STOML3: variants seen among roughly 807,000 people sequenced by gnomAD.
The protein encoded by STOML3 is stomatin like 3.
In STOML3, 31 loss-of-function variants were observed where a neutral mutation model predicts 29.5. The observed-to-expected ratio is 1.05, with a 90% CI of 0.79 to 1.42. The LOEUF (loss-of-function observed/expected upper bound fraction) is 1.42, where lower values mean the gene tolerates loss of function less well. STOML3 is among the 40% of genes most tolerant of loss of function. The pLI, the probability that STOML3 is intolerant of heterozygous loss-of-function variation, is 0.00. For synonymous variants in STOML3, 122 were observed against 139.8 expected (o/e 0.87, Z 0.90); for missense variants, 380 against 363.0 (o/e 1.05, Z -0.38).
At chr13:38,988,563 A>AATATATTTTATATC (rs1868825395) in intron 1 of STOML3, among the ~76,000 whole-genome samples, 2 of 117,844 alleles carry the variant, frequency 1.7e-5, no homozygotes, top group Non-Finnish European at 3.3e-5. Context: ...TTTTATATAT[A>AATATATTTTATATC]ATATATTTTA....
At chr13:38,980,750 T>C (rs1393155477) in intron 1 of STOML3, among the ~76,000 whole-genome samples, 1 of 152,224 alleles carries the variant, frequency 6.6e-6, no homozygotes, top group African/African-American at 2.4e-5. Flanking sequence ...AACAAATATG[T>C]TATCAGTTCT....
At position 38,966,084 on chromosome 13, in the gene STOML3, C is replaced by T. The variant is rs529337831; in HGVS notation, c.*741G>A. On this transcript the variant is annotated 3_prime_UTR_variant, in exon 7 of 7. Coordinates refer to ENST00000379631, the MANE Select transcript of STOML3 (RefSeq NM_145286.3). ...AAAACATGAAATCCCCAGGGTGATG[C>T]TCCTCAGTGGTTTCAACCAATGCAA... The T allele has an allele frequency of 6.6e-6, 1 of 152,316 alleles. No individual in the cohort carries two copies. The highest frequency in any genetic ancestry group is 2.1e-4 in the South Asian group (1 of 4,832). 9.4% of individuals were successfully genotyped at this position (152,316 alleles called of 1,614,324 possible). A position where few individuals can be genotyped will look rare whatever the true frequency, so the allele number is the denominator to read the frequency against.
intron 3 of STOML3, among the ~76,000 whole-genome samples, chr13:38,974,287 C>G (rs1880993277): frequency 6.6e-6 from 1 of 152,054 alleles, no homozygotes; most frequent in Admixed American, 6.5e-5. Flanking sequence ...GAAACCAGTT[C>G]TGGGGCCAAA....
At chr13:38,979,117 T>C (rs1250755477) in intron 1 of STOML3, among the ~76,000 whole-genome samples, 1 of 152,222 alleles carries the variant, frequency 6.6e-6, no homozygotes, top group Non-Finnish European at 1.5e-5. Context: ...TGGCCTTTTA[T>C]ATGCTCCAAA....
intron 1 of STOML3, among the ~76,000 whole-genome samples, chr13:38,978,536 C>G (rs1881171993): frequency 6.6e-6 from 1 of 152,102 alleles, no homozygotes; most frequent in South Asian, 2.1e-4. Context: ...ATGATCTCCT[C>G]CAGCTGATTT....
At chr13:38,976,264 A>C (rs572707262) in intron 3 of STOML3, among the ~76,000 whole-genome samples, 2 of 152,320 alleles carry the variant, frequency 1.3e-5, no homozygotes, top group South Asian at 4.1e-4. Flanking sequence ...ACATTCAGCC[A>C]ATGTAACCAG....
intron 3 of STOML3, among the ~76,000 whole-genome samples, chr13:38,974,917 C>A (rs1382429242): frequency 2.6e-5 from 4 of 152,146 alleles, no homozygotes; most frequent in Non-Finnish European, 5.9e-5. Context: ...GGAAGTTAAT[C>A]CTGGGCTGTT....
chr13:38,990,738 T>C lies in STOML3; in HGVS notation c.-17A>G. 1 of 1,613,226 alleles carries C rather than the reference T, an allele frequency of 6.2e-7. No homozygotes were observed. The highest frequency in any genetic ancestry group is 8.5e-7 in the Non-Finnish European group (1 of 1,179,424). ...AGAATCCATCTCATTCTTGAGAAGC[T>C]TTTATACTTGGCAATTTTTCATGGG... is the stretch of plus-strand genomic sequence containing the variant. On this transcript the variant is annotated 5_prime_UTR_variant, in exon 1 of 7. Coordinates refer to ENST00000379631, the MANE Select transcript of STOML3 (RefSeq NM_145286.3).
intron 4 of STOML3, among the ~76,000 whole-genome samples, chr13:38,971,043 T>A (rs1262606035): frequency 1.3e-5 from 2 of 152,138 alleles, no homozygotes; most frequent in East Asian, 3.9e-4. Flanking sequence ...TCTTTCTTTT[T>A]TTTTTTTGAG....
At chr13:38,969,834 A>G (rs554635008) in intron 5 of STOML3, among the ~76,000 whole-genome samples, 17 of 152,330 alleles carry the variant, frequency 1.1e-4, no homozygotes, top group African/African-American at 3.4e-4. Context: ...CTACCTGAGA[A>G]ATGGCTGCAC....
rs1880668166 is a variant in STOML3, at chr13:38,966,879, C to T, written c.822G>A (p.Glu274=). ...IVFPLPMNIL[E]GIGGVSYDNH... The stretch of plus-strand genomic sequence containing the variant: ...TATCATAGCTGACGCCACCAATGCC[C>T]TCTAGTATATTCATGGGCAGAGGAA... Residue 274 remains glutamate (E), a synonymous_variant, in exon 7 of 7, where the codon GAG becomes GAA. Transcript: ENST00000379631. 1 of 1,613,846 alleles carries T rather than the reference C, an allele frequency of 6.2e-7. No individual in the cohort carries two copies. The highest frequency in any genetic ancestry group is 8.5e-7 in the Non-Finnish European group (1 of 1,179,994).
At chr13:38,973,096 TAAAAAAAAAAAAAAAAA>T (rs71074495) in intron 3 of STOML3, among the ~76,000 whole-genome samples, 909 of 32,588 alleles carry the variant, frequency 0.028, 18 homozygotes, top group African/African-American at 0.11. Context: ...CCGTCTCTAC[TAAAAAAAAAAAAAAAAA>T]AAAAAAAAAA....
chr13:38,976,877 T>C (rs1278894346), intron 1 of STOML3, 80 bp from the exon 2 acceptor site: 1 of 1,234,324 alleles, frequency 8.1e-7, no homozygotes, highest in African/African-American at 1.5e-5. Context: ...GTGGAACCTA[T>C]CCAGACAGCT....
In STOML3 at chr13:38,965,992, A is replaced by T. The variant is rs1880626749; in HGVS notation, c.*833T>A. The T allele has an allele frequency of 6.6e-6, 1 of 152,008 alleles. No homozygotes were observed. Among genetic ancestry groups the T allele is most frequent in the Admixed American group, 6.6e-5 (1 of 15,266 alleles). The allele number at this position is 152,008 out of a possible 1,614,324, so 9.4% of individuals were successfully genotyped here. ...GAACAGGTTATTTGGCAGGTGGGGG[A>T]GGGGATGTGGATAGAGTTCACAAAC... On this transcript the variant is annotated 3_prime_UTR_variant, in exon 7 of 7. Coordinates refer to ENST00000379631, the MANE Select transcript of STOML3 (RefSeq NM_145286.3).
In STOML3 at chr13:38,978,781, C is replaced by T. The variant is rs1424754572; in HGVS notation, c.53-1984G>A. On this transcript the variant is annotated intron_variant, in intron 1 of 6. Transcript: ENST00000379631. The stretch of plus-strand genomic sequence containing the variant: ...TCCTACTAATTTTTTGAGACCTGAG[C>T]CAAATTCATGAATATTTAGGAGAAT... 4.6e-5 allele frequency among the ~76,000 whole-genome samples: 7 copies of T among 152,114 alleles called. No individual in the cohort carries two copies. The East Asian group carries it at 1.3e-3, about 29-fold the overall frequency.
In STOML3 at chr13:38,975,299, C is replaced by T. The variant is rs547299421; in HGVS notation, c.229+1241G>A. Among the ~76,000 whole-genome samples the T allele has an allele frequency of 6.5e-4, 96 of 147,110 alleles. 1 individual carries two copies. The South Asian group carries it at 0.017, about 26-fold the overall frequency. On this transcript the variant is annotated intron_variant, in intron 3 of 6. Coordinates refer to ENST00000379631, the MANE Select transcript of STOML3 (RefSeq NM_145286.3). ...TCACGCCACTGCACTCCAGCCTGGG[C>T]GACAGAGCGAGACTCTGTCTCAGAA...
At chr13:38,967,266 G>T (rs1259135372) in intron 6 of STOML3, among the ~76,000 whole-genome samples, 1 of 151,990 alleles carries the variant, frequency 6.6e-6, no homozygotes, top group Non-Finnish European at 1.5e-5. Flanking sequence ...ACAAATCGTA[G>T]GTCCCTAGAT....
At chr13:38,974,314 G>A (rs1239608749) in intron 3 of STOML3, among the ~76,000 whole-genome samples, 2 of 151,960 alleles carry the variant, frequency 1.3e-5, no homozygotes, top group Admixed American at 6.6e-5. Flanking sequence ...GTAAAGGGGT[G>A]GCAGTATCAC....
intron 6 of STOML3, 126 bp from the exon 7 acceptor site, chr13:38,967,175 T>A: frequency 1.2e-6 from 1 of 812,840 alleles, no homozygotes; most frequent in Non-Finnish European, 1.9e-6. Flanking sequence ...TTTCATCTAC[T>A]TCTTTGGCGA....
Sources: allele counts gnomAD v4.1 joint callset (sites outside exome capture counted in the v4.1 genomes callset), GRCh38; gene constraint gnomAD v4.1.1; transcripts MANE v1.5; gene names NCBI Gene and HGNC (gene_info 2026-07-23, HGNC 2026-07-21).